The following CSDE1 variants were observed in gnomAD, a reference collection of about 807,000 sequenced individuals.
CSDE1 encodes cold shock domain containing E1, also known as cold shock domain-containing protein E1.
Under a neutral mutation model 89.3 loss-of-function variants are expected in CSDE1, and 17 were observed. The ratio of observed to expected loss-of-function variants is 0.19; its 90% confidence interval spans 0.13 to 0.29. CSDE1 has a LOEUF of 0.29. CSDE1 is among the 10% of genes least tolerant of loss of function. CSDE1 has a pLI of 1.00. For missense variants in CSDE1, 672 were observed against 984.2 expected, an observed-to-expected ratio of 0.68 and a Z score of 4.24; for synonymous variants, 322 against 332.8, an observed-to-expected ratio of 0.97 and a Z score of 0.35.
chr1:114,752,470 C>A (rs972326004), intron 1 of CSDE1, among the ~76,000 whole-genome samples: 1 of 152,070 alleles, frequency 6.6e-6, no homozygotes, highest in East Asian at 1.9e-4. Context: ...CTTGTTATCT[C>A]CCCCCAACCC....
At chr1:114,743,201 A>T (rs1032016039) in intron 2 of CSDE1, among the ~76,000 whole-genome samples, 6 of 151,776 alleles carry the variant, frequency 4.0e-5, no homozygotes, top group African/African-American at 9.7e-5. Context: ...AGGCTGAATT[A>T]ATTTATTTTT....
intron 18 of CSDE1, among the ~76,000 whole-genome samples, chr1:114,719,265 C>T (rs1018738637): frequency 2.6e-5 from 4 of 152,114 alleles, no homozygotes; most frequent in Admixed American, 6.5e-5. Flanking sequence ...GTCGTGATAG[C>T]GCCTGGGTAA....
chr1:114,751,815 G>A (rs1661323417), intron 1 of CSDE1, among the ~76,000 whole-genome samples: 1 of 152,014 alleles, frequency 6.6e-6, no homozygotes, highest in South Asian at 2.1e-4. Flanking sequence ...CATACCCAAT[G>A]TTGCAAGTTG....
At chr1:114,756,627 T>C (rs1442542438) in intron 1 of CSDE1, 1 of 152,242 alleles carries the variant, frequency 6.6e-6, no homozygotes, top group African/African-American at 2.4e-5. Context: ...TGCCAGTTCA[T>C]ACCAGCCTGA....
chr1:114,735,502 T>C (rs1320251099), intron 6 of CSDE1, among the ~76,000 whole-genome samples: 1 of 152,174 alleles, frequency 6.6e-6, no homozygotes, highest in African/African-American at 2.4e-5. Flanking sequence ...TATACGTCAT[T>C]TTACAGATGA....
chr1:114,720,778 C>T, intron 16 of CSDE1, 61 bp from the exon 17 acceptor site: 3 of 1,467,026 alleles, frequency 2.0e-6, no homozygotes, highest in Non-Finnish European at 2.8e-6. Context: ...GCTGATGACC[C>T]TAGGAAGTTT....
At chr1:114,737,627 A>AT in intron 4 of CSDE1, 64 bp from the exon 5 acceptor site, 1 of 1,268,224 alleles carries the variant, frequency 7.9e-7, no homozygotes, top group South Asian at 1.2e-5. Context: ...TGTGCAATAT[A>AT]AACTGAATTT....
rs189058114 is a variant in CSDE1, at chr1:114,718,221, G to A, written c.2350-5C>T. 7.6e-5 allele frequency: 122 copies of A among 1,611,226 alleles called. No homozygotes were observed. In the African/African-American group the frequency reaches 1.5e-3, roughly 20 times the overall value. ...CTTTCTTTCTGCACCAAACCCCTGT[G>A]GGGGGGAGAAAAAAAAAACCCTGCA... On this transcript the variant is annotated splice_region_variant and splice_polypyrimidine_tract_variant and intron_variant, in intron 19 of 19. Transcript: ENST00000358528.
In CSDE1 at chr1:114,723,870, T is replaced by C; in HGVS notation, c.1873+13A>G. 6.2e-7 allele frequency: 1 copy of C among 1,613,740 alleles called. No individual in the cohort carries two copies. Among genetic ancestry groups the C allele is most frequent in the East Asian group, 2.2e-5 (1 of 44,850 alleles). Reference sequence around the variant, plus strand: ...TGGCAAATTTCAAACAGCCTGATAGTGATGATCCTTACCCTCCTCCACAAT... The same window carrying C: ...TGGCAAATTTCAAACAGCCTGATAGCGATGATCCTTACCCTCCTCCACAAT... On this transcript the variant is annotated intron_variant, in intron 16 of 19. Coordinates refer to ENST00000358528, the MANE Select transcript of CSDE1 (RefSeq NM_001007553.3).
intron 1 of CSDE1, 101 bp from the exon 2 acceptor site, chr1:114,750,308 G>A (rs1661234619): frequency 6.6e-6 from 1 of 152,164 alleles, no homozygotes; most frequent in South Asian, 2.1e-4. Context: ...TTAGAATCAT[G>A]GGTCATGCAA....
At chr1:114,740,180 T>C (rs535066247) in intron 2 of CSDE1, among the ~76,000 whole-genome samples, 132 of 152,324 alleles carry the variant, frequency 8.7e-4, no homozygotes, top group African/African-American at 3.0e-3. Context: ...CATTAGCAAA[T>C]GCTGCCTTTA....
intron 11 of CSDE1, 30 bp from the exon 12 acceptor site, chr1:114,730,452 A>T: frequency 1.2e-6 from 2 of 1,610,290 alleles, no homozygotes; most frequent in Non-Finnish European, 1.7e-6. Flanking sequence ...ATTAACTTTC[A>T]ATTGAAAAAG....
chr1:114,729,101 C>T (rs191450202), intron 12 of CSDE1, among the ~76,000 whole-genome samples: 4,121 of 151,826 alleles, frequency 0.027, 199 homozygotes, highest in African/African-American at 0.094. Flanking sequence ...AGAACAAGGT[C>T]TAAATTTTTT....
intron 3 of CSDE1, among the ~76,000 whole-genome samples, chr1:114,738,352 A>G (rs1660521693): frequency 6.6e-6 from 1 of 152,148 alleles, no homozygotes; most frequent in Admixed American, 6.5e-5. Flanking sequence ...CAGAACCACC[A>G]TCTTATGCTA....
chr1:114,744,524 T>C (rs745755764), intron 2 of CSDE1, among the ~76,000 whole-genome samples: 2 of 152,060 alleles, frequency 1.3e-5, no homozygotes, highest in Non-Finnish European at 2.9e-5. Flanking sequence ...GCCATGATCC[T>C]GACACCGTAC....
rs771618018 is a variant in CSDE1, at chr1:114,730,301, A to G, written c.1313T>C (p.Phe438Ser). 1.9e-6 allele frequency: 3 copies of G among 1,614,050 alleles called. No homozygotes were observed. Among genetic ancestry groups the G allele is most frequent in the African/African-American group, 1.3e-5 (1 of 74,930 alleles). ...FLGTVEKEAT[F>S]SNPKTTSPNK... Reference sequence around the variant, plus strand: ...TGGGCTAGTGGTTTTAGGATTGGAAAAAGTGGCTTCTTTTTCTACCGTGCC... The same window carrying G: ...TGGGCTAGTGGTTTTAGGATTGGAAGAAGTGGCTTCTTTTTCTACCGTGCC... Residue 438 changes from phenylalanine (F) to serine (S), a missense_variant, in exon 12 of 20, where the codon TTT (phenylalanine) becomes TCT (serine). Phe to Ser is a radical substitution (Grantham distance 155). This residue lies in a region of CSDE1 where 108 missense variants were observed against 105.0 expected (regional missense o/e 1.03). Coordinates refer to ENST00000358528, the MANE Select transcript of CSDE1 (RefSeq NM_001007553.3).
chr1:114,744,582 A>G (rs150116603), intron 2 of CSDE1, among the ~76,000 whole-genome samples: 74 of 152,226 alleles, frequency 4.9e-4, no homozygotes, highest in Admixed American at 9.2e-4. Context: ...CAAAAACAAA[A>G]ACAAAACAAC....
At chr1:114,741,467 C>T in intron 2 of CSDE1, 4 of 1,433,728 alleles carry the variant, frequency 2.8e-6, no homozygotes, top group Non-Finnish European at 3.7e-6. Flanking sequence ...GAGTGGCAAT[C>T]CTAGGTCATG....
chr1:114,732,930 C>T (rs1660184206), intron 9 of CSDE1, 114 bp from the exon 10 acceptor site: 6 of 854,040 alleles, frequency 7.0e-6, no homozygotes, highest in African/African-American at 6.8e-5. Flanking sequence ...TTCCCTGAAG[C>T]GAAAAAAGGT....
Sources: allele counts gnomAD v4.1 joint callset (sites outside exome capture counted in the v4.1 genomes callset), GRCh38; gene constraint gnomAD v4.1.1; regional missense constraint gnomAD v4.1.1; transcripts MANE v1.5; gene names NCBI Gene and HGNC (gene_info 2026-07-23, HGNC 2026-07-21).